DSCAML1: variants seen among roughly 807,000 people sequenced by gnomAD.
The protein encoded by DSCAML1 is cell adhesion molecule DSCAML1.
DSCAML1 carries 38 observed loss-of-function variants against 200.5 expected under a neutral mutation model. That is an observed-to-expected ratio of 0.19 (90% CI 0.15 to 0.25). DSCAML1 has a LOEUF of 0.25. DSCAML1 is among the 10% of genes least tolerant of loss of function. The pLI, the probability that DSCAML1 is intolerant of heterozygous loss-of-function variation, is 1.00. For missense variants in DSCAML1, 2,223 were observed against 2,858.8 expected (o/e 0.78, Z 5.07); for synonymous variants, 1,215 against 1,165.0 (o/e 1.04, Z -0.87).
intron 3 of DSCAML1, among the ~76,000 whole-genome samples, chr11:117,568,374 G>T (rs960607571): frequency 6.6e-6 from 1 of 152,074 alleles, no homozygotes; most frequent in African/African-American, 2.4e-5. Flanking sequence ...TTCTGGCCAG[G>T]GCAATCAGGC....
At chr11:117,475,693 C>T (rs571218617) in intron 14 of DSCAML1, among the ~76,000 whole-genome samples, 1 of 152,308 alleles carries the variant, frequency 6.6e-6, no homozygotes, top group Non-Finnish European at 1.5e-5. Context: ...CCTCTGCACT[C>T]TGTGGCCACA....
chr11:117,573,305 A>G (rs1457956469), intron 3 of DSCAML1, among the ~76,000 whole-genome samples: 3 of 152,218 alleles, frequency 2.0e-5, no homozygotes, highest in Non-Finnish European at 4.4e-5. Context: ...GTGCCTAGAC[A>G]CGGGTGGTTA....
In DSCAML1 at chr11:117,518,352, TA is replaced by T; in HGVS notation, c.1510+113del. On this transcript the variant is annotated intron_variant, in intron 7 of 32. Transcript: ENST00000651296. The surrounding 1 kb of genome is among the most constrained non-coding windows in gnomAD (Gnocchi z 6.3). Reference sequence around the variant, plus strand: ...CGAGAGAGGGGAGAGAGACCTCTACTAAAATCAAAATGACGATTAATAATAA... The same window carrying T: ...CGAGAGAGGGGAGAGAGACCTCTACTAAATCAAAATGACGATTAATAATAA... 1 of 1,451,532 alleles carries T rather than the reference TA, an allele frequency of 6.9e-7. No homozygotes were observed. Among genetic ancestry groups the T allele is most frequent in the Non-Finnish European group, 9.5e-7 (1 of 1,051,228 alleles). 89.9% of individuals were successfully genotyped at this position (1,451,532 alleles called of 1,614,324 possible). A position where few individuals can be genotyped will look rare whatever the true frequency, so the allele number is the denominator to read the frequency against.
chr11:117,536,943 G>C (rs2155392), intron 3 of DSCAML1, among the ~76,000 whole-genome samples: 6,155 of 152,132 alleles, frequency 0.04, 206 homozygotes, highest in South Asian at 0.1. Flanking sequence ...ATGACTTTAC[G>C]TACATTATCT....
chr11:117,531,631 C>A (rs1487329274), intron 4 of DSCAML1, among the ~76,000 whole-genome samples: 1 of 152,104 alleles, frequency 6.6e-6, no homozygotes, highest in Non-Finnish European at 1.5e-5. Context: ...TACCTGCAAT[C>A]CCAGCACTTT....
At chr11:117,716,992 AGAT>A (rs1448119197) in intron 3 of DSCAML1, among the ~76,000 whole-genome samples, 1 of 1,094 alleles carries the variant, frequency 9.1e-4, no homozygotes, top group Admixed American at 0.1. Context: ...TTCCCATCCC[AGAT>A]GCACCCCAGA....
At chr11:117,622,414 C>T (rs1238663129) in intron 3 of DSCAML1, among the ~76,000 whole-genome samples, 1 of 152,136 alleles carries the variant, frequency 6.6e-6, no homozygotes, top group African/African-American at 2.4e-5. Context: ...ATTGATGGCA[C>T]AGAGTTAGGC....
intron 15 of DSCAML1, among the ~76,000 whole-genome samples, chr11:117,471,312 C>T (rs781423076): frequency 1.1e-4 from 17 of 152,116 alleles, no homozygotes; most frequent in Non-Finnish European, 1.8e-4. Flanking sequence ...GCTGGAACTA[C>T]AGGCATGCGC....
intron 3 of DSCAML1, among the ~76,000 whole-genome samples, chr11:117,732,610 A>C (rs1484638500): frequency 6.6e-6 from 1 of 152,176 alleles, no homozygotes; most frequent in African/African-American, 2.4e-5. Flanking sequence ...CATGCAGGCC[A>C]GCTCTGGGCC....
intron 1 of DSCAML1, among the ~76,000 whole-genome samples, chr11:117,785,936 A>G (rs1254087901): frequency 1.3e-5 from 2 of 152,174 alleles, no homozygotes; most frequent in Non-Finnish European, 2.9e-5. Flanking sequence ...AAATTCAACC[A>G]GCTCCAAACC....
Position 117,459,077 on chromosome 11 carries a change from C to T in DSCAML1, c.3413-168G>A, listed in dbSNP as rs7949032. On this transcript the variant is annotated intron_variant, in intron 18 of 32. Coordinates refer to ENST00000651296, the MANE Select transcript of DSCAML1 (RefSeq NM_020693.4). ...ACCTCAAGGTACCCAGGAGCAGATG[C>T]GGGCCACTGCCCCCAGGCCACGTCT... 6.7e-3 allele frequency among the ~76,000 whole-genome samples: 1,026 copies of T among 152,308 alleles called. 4 individuals carry two copies. Among genetic ancestry groups the T allele is most frequent in the African/African-American group, 0.022 (935 of 41,558 alleles).
upstream of DSCAML1, chr11:117,797,233 C>G: frequency 1.4e-6 from 2 of 1,466,692 alleles, no homozygotes; most frequent in Non-Finnish European, 1.8e-6. Flanking sequence ...GCGGCTCCTC[C>G]CTCCTCGGCT....
intron 3 of DSCAML1, among the ~76,000 whole-genome samples, chr11:117,639,278 G>T (rs2052352002): frequency 6.7e-6 from 1 of 148,672 alleles, no homozygotes; most frequent in Admixed American, 6.7e-5. Context: ...GGAGCTGGAT[G>T]GGTGGGAGGC....
chr11:117,685,892 C>G (rs111553791), intron 3 of DSCAML1, among the ~76,000 whole-genome samples: 3,054 of 152,282 alleles, frequency 0.02, 38 homozygotes, highest in Middle Eastern at 0.045. Context: ...AGACACTTAG[C>G]ACCTGCTGCA....
chr11:117,620,240 C>G (rs1591329781), intron 3 of DSCAML1, among the ~76,000 whole-genome samples: 1 of 152,158 alleles, frequency 6.6e-6, no homozygotes, highest in Non-Finnish European at 1.5e-5. Context: ...CGGCCATGAT[C>G]CAGCTTCCCC....
chr11:117,651,766 G>T (rs1591364270), intron 3 of DSCAML1, among the ~76,000 whole-genome samples: 2 of 133,514 alleles, frequency 1.5e-5, no homozygotes, highest in Admixed American at 1.5e-4. Flanking sequence ...AAAATTTGTT[G>T]TCCTTCAGAG....
intron 3 of DSCAML1, among the ~76,000 whole-genome samples, chr11:117,655,230 C>T (rs1324714423): frequency 6.6e-6 from 1 of 152,220 alleles, no homozygotes; most frequent in African/African-American, 2.4e-5. Context: ...TGCCCCAGTT[C>T]AGGACAGGGG....
At chr11:117,795,174 C>A (rs948422496) in intron 1 of DSCAML1, among the ~76,000 whole-genome samples, 1 of 152,174 alleles carries the variant, frequency 6.6e-6, no homozygotes, top group Non-Finnish European at 1.5e-5. Flanking sequence ...TCCTGCACTC[C>A]CCGGGAATGG....
At chr11:117,525,545 C>T (rs2049963054) in intron 4 of DSCAML1, among the ~76,000 whole-genome samples, 1 of 151,952 alleles carries the variant, frequency 6.6e-6, no homozygotes, top group Non-Finnish European at 1.5e-5. Flanking sequence ...CTGCAACCTC[C>T]ACCTCCCAGG....
Sources: gnomAD v4.1 joint callset for allele counts (sites outside exome capture counted in the v4.1 genomes callset) on GRCh38, gnomAD v4.1.1 for gene constraint, Gnocchi (gnomAD v3.1) non-coding constraint, MANE v1.5 for transcripts, NCBI Gene and HGNC (gene_info 2026-07-23, HGNC 2026-07-21) for gene names.